SGK2: variants seen among roughly 807,000 people sequenced by gnomAD.
SGK2 encodes serum/glucocorticoid regulated kinase 2.
A neutral mutation model predicts 47.5 loss-of-function variants in SGK2; 36 were observed. That is an observed-to-expected ratio of 0.76 (90% CI 0.58 to 1.00). The LOEUF (loss-of-function observed/expected upper bound fraction) is 1.00, where lower values mean the gene tolerates loss of function less well. Ranked by LOEUF, SGK2 falls within the 50% of genes least tolerant of loss-of-function variation. The probability of loss-of-function intolerance (pLI) is 0.00; values close to 1 mark genes in which losing one functional copy is unlikely to be tolerated. For missense variants in SGK2, 404 were observed against 467.4 expected (o/e 0.86, Z 1.25); for synonymous variants, 157 against 181.9 (o/e 0.86, Z 1.10).
intron 10 of SGK2, among the ~76,000 whole-genome samples, chr20:43,575,751 G>A (rs946312315): frequency 2.0e-5 from 3 of 152,154 alleles, no homozygotes; most frequent in African/African-American, 7.2e-5. Flanking sequence ...AACAGGCTCT[G>A]TGGATTAAGG....
At chr20:43,561,834 T>C (rs571489619) in intron 1 of SGK2, among the ~76,000 whole-genome samples, 1 of 152,248 alleles carries the variant, frequency 6.6e-6, no homozygotes, top group East Asian at 1.9e-4. Flanking sequence ...CAGGGGTCAG[T>C]GGAGAAGCCA....
In SGK2 at chr20:43,564,520, A is replaced by G. The variant is rs1979568923; in HGVS notation, c.-23-1953A>G. On this transcript the variant is annotated intron_variant, in intron 1 of 12. Coordinates refer to ENST00000373100, the MANE Select transcript of SGK2 (RefSeq NM_170693.3). ...GCACACACATACACACACACACCCC[A>G]GAGTAAATTCACTGATATACACCAC... 2.0e-5 allele frequency among the ~76,000 whole-genome samples: 3 copies of G among 152,188 alleles called. No homozygotes were observed. The South Asian group carries it at 6.2e-4, about 32-fold the overall frequency.
Position 43,572,219 on chromosome 20 carries a change from A to AGTCCCCTTCACTGT in SGK2, c.597+82_597+83insGTCCCCTTCACTGT. 1 of 1,042,532 alleles carries AGTCCCCTTCACTGT rather than the reference A, an allele frequency of 9.6e-7. No homozygotes were observed. The highest frequency in any genetic ancestry group is 1.5e-6 in the Non-Finnish European group (1 of 688,408). 64.6% of individuals were successfully genotyped at this position (1,042,532 alleles called of 1,614,324 possible). On this transcript the variant is annotated intron_variant, in intron 9 of 12. Transcript: ENST00000373100. The surrounding 1 kb of genome is among the most constrained non-coding windows in gnomAD (Gnocchi z 4.2). ...TGATTAGAGCCAACAGGTTACAGTG[A>AGTCCCCTTCACTGT]AGGGGACTCACTCCTTTGACCCAAA... is the stretch of plus-strand genomic sequence containing the variant.
intron 11 of SGK2, among the ~76,000 whole-genome samples, chr20:43,576,818 T>C (rs911742008): frequency 6.6e-6 from 1 of 152,228 alleles, no homozygotes; most frequent in Non-Finnish European, 1.5e-5. Flanking sequence ...GTTGGGCACC[T>C]GTAATCCTGG....
chr20:43,578,471 AGAGT>A (rs1980599402), intron 11 of SGK2, among the ~76,000 whole-genome samples: 1 of 152,134 alleles, frequency 6.6e-6, no homozygotes, highest in South Asian at 2.1e-4. Flanking sequence ...CCTCGGCAAC[AGAGT>A]GAGACTCTAT....
chr20:43,563,700 C>T (rs931929384), intron 1 of SGK2, among the ~76,000 whole-genome samples: 1 of 152,198 alleles, frequency 6.6e-6, no homozygotes, highest in African/African-American at 2.4e-5. Flanking sequence ...TTACTATTAG[C>T]ACAATTATTT....
intron 1 of SGK2, among the ~76,000 whole-genome samples, chr20:43,561,523 G>A (rs780675382): frequency 2.0e-4 from 31 of 151,670 alleles, no homozygotes; most frequent in Admixed American, 6.6e-5. Context: ...CTGAGTAGCT[G>A]GGACTACAGG....
intron 12 of SGK2, among the ~76,000 whole-genome samples, chr20:43,583,963 T>C (rs983273606): frequency 1.3e-5 from 2 of 152,084 alleles, no homozygotes; most frequent in African/African-American, 4.8e-5. Context: ...AGACCTTGTC[T>C]CTTAAAAAAA....
At position 43,572,158 on chromosome 20, in the gene SGK2, AG is replaced by A; in HGVS notation, c.597+22del. 1 of 1,524,462 alleles carries A rather than the reference AG, an allele frequency of 6.6e-7. No homozygotes were observed. The allele number at this position is 1,524,462 out of a possible 1,614,324, so 94.4% of individuals were successfully genotyped here. On this transcript the variant is annotated intron_variant, in intron 9 of 12. Coordinates refer to ENST00000373100, the MANE Select transcript of SGK2 (RefSeq NM_170693.3). This position sits in a 1 kb window ranked among gnomAD's most constrained non-coding sequence, Gnocchi z 4.2. Reference sequence around the variant, plus strand: ...CTGAGGTAAGCGTAAACATCCCAGGAGAGGGGAGGTCATGAGTGGGTGAGGC... The same window carrying A: ...CTGAGGTAAGCGTAAACATCCCAGGAAGGGGAGGTCATGAGTGGGTGAGGC...
chr20:43,569,316 T>G, intron 5 of SGK2, 69 bp from the exon 6 acceptor site: 1 of 1,586,096 alleles, frequency 6.3e-7, no homozygotes, highest in South Asian at 1.1e-5. Flanking sequence ...CAAGCTTATA[T>G]GGGCTGAGCC....
chr20:43,567,114 C>T lies in SGK2; in HGVS notation c.83C>T (p.Pro28Leu), dbSNP rs141029147. Reference protein sequence around the residue: ...GNINLGPSANPNAQPTDFDFL... With the variant: ...GNINLGPSANLNAQPTDFDFL... ...ATCAACCTGGGGCCTTCAGCCAACCCAAAGTGAGTTCTGGTCCCTCAAGCA... is the reference window on the plus strand; with the variant it reads ...ATCAACCTGGGGCCTTCAGCCAACCTAAAGTGAGTTCTGGTCCCTCAAGCA... Residue 28 changes from proline (P) to leucine (L), a missense_variant, in exon 3 of 13, where the codon CCA becomes CTA. Coordinates refer to ENST00000373100, the MANE Select transcript of SGK2 (RefSeq NM_170693.3). The T allele has an allele frequency of 1.5e-5, 25 of 1,613,692 alleles. No homozygotes were observed. In the African/African-American group the frequency reaches 3.3e-4, roughly 22 times the overall value.
intron 2 of SGK2, 69 bp downstream of exon 2, chr20:43,566,600 G>A: frequency 8.7e-7 from 1 of 1,144,578 alleles, no homozygotes; most frequent in East Asian, 2.4e-5. Context: ...GAAATCTGTG[G>A]GTCCCAGACA....
At chr20:43,564,945 A>G (rs1209081178) in intron 1 of SGK2, 1 of 152,634 alleles carries the variant, frequency 6.6e-6, no homozygotes, top group Non-Finnish European at 1.5e-5. Context: ...AGTACACACC[A>G]TGCTGCACAT....
Position 43,572,223 on chromosome 20 carries a change from G to A in SGK2, c.597+86G>A. The A allele has an allele frequency of 2.0e-6, 2 of 1,008,444 alleles. No individual in the cohort carries two copies. The highest frequency in any genetic ancestry group is 3.0e-6 in the Non-Finnish European group (2 of 658,432). The allele number at this position is 1,008,444 out of a possible 1,614,324, so 62.5% of individuals were successfully genotyped here. ...TAGAGCCAACAGGTTACAGTGAAGG[G>A]GACTCACTCCTTTGACCCAAACACT... On this transcript the variant is annotated intron_variant, in intron 9 of 12. Coordinates refer to ENST00000373100, the MANE Select transcript of SGK2 (RefSeq NM_170693.3). This position sits in a 1 kb window ranked among gnomAD's most constrained non-coding sequence, Gnocchi z 4.2.
At chr20:43,567,549 TG>T in intron 3 of SGK2, 115 bp from the exon 4 acceptor site, 1 of 934,610 alleles carries the variant, frequency 1.1e-6, no homozygotes, top group Non-Finnish European at 1.7e-6. Context: ...GCATGGCTCC[TG>T]GAAGGCTCTC....
chr20:43,567,851 G>A, intron 4 of SGK2, 65 bp from the exon 5 acceptor site: 1 of 1,558,822 alleles, frequency 6.4e-7, no homozygotes, highest in Non-Finnish European at 8.8e-7. Flanking sequence ...CAGGCGGGAG[G>A]CCTTGTACTG....
chr20:43,564,331 A>C (rs1427847267), intron 1 of SGK2, among the ~76,000 whole-genome samples: 3 of 152,254 alleles, frequency 2.0e-5, no homozygotes, highest in Admixed American at 2.0e-4. Flanking sequence ...CTAGACACCC[A>C]GGCTCCAGGT....
chr20:43,575,100 G>T (rs1392037419), intron 10 of SGK2, 96 bp downstream of exon 10: 5 of 756,906 alleles, frequency 6.6e-6, no homozygotes, highest in Non-Finnish European at 9.2e-6. Flanking sequence ...AAATGAGCAA[G>T]CCATCTCTTC....
intron 8 of SGK2, 75 bp downstream of exon 8, chr20:43,571,135 A>C: frequency 6.3e-7 from 1 of 1,597,964 alleles, no homozygotes; most frequent in Non-Finnish European, 8.5e-7. Context: ...TCTGACCATG[A>C]GTCTGTGTAC....
Sources: allele counts gnomAD v4.1 joint callset (sites outside exome capture counted in the v4.1 genomes callset), GRCh38; gene constraint gnomAD v4.1.1; non-coding constraint Gnocchi (gnomAD v3.1); transcripts MANE v1.5; gene names NCBI Gene and HGNC (gene_info 2026-07-23, HGNC 2026-07-21).